SMARCA4: variants seen among roughly 807,000 people sequenced by gnomAD.
The protein encoded by SMARCA4 is SWI/SNF related BAF chromatin remodeling complex subunit ATPase 4.
SMARCA4 carries 31 observed loss-of-function variants against 193.9 expected under a neutral mutation model. The ratio of observed to expected loss-of-function variants is 0.16; its 90% CI spans 0.12 to 0.22. The LOEUF (loss-of-function observed/expected upper bound fraction) is 0.22, where lower values mean the gene tolerates loss of function less well. Ranked by LOEUF, SMARCA4 falls within the 10% of genes least tolerant of loss-of-function variation. The pLI is 1.00. For missense variants in SMARCA4, 1,148 were observed against 2,296.0 expected (o/e 0.50, Z 10.22); for synonymous variants, 942 against 933.1 (o/e 1.01, Z -0.17).
At chr19:11,005,415 G>A (rs983674192) in intron 13 of SMARCA4, among the ~76,000 whole-genome samples, 1 of 152,202 alleles carries the variant, frequency 6.6e-6, no homozygotes, top group Non-Finnish European at 1.5e-5. Context: ...GTCATCCAAA[G>A]ATTGGCCACA....
In SMARCA4 at chr19:11,019,482, C is replaced by G. The variant is rs549069469; in HGVS notation, c.2506-109C>G. On this transcript the variant is annotated intron_variant, in intron 17 of 34. Coordinates refer to ENST00000344626, the MANE Select transcript of SMARCA4 (RefSeq NM_003072.5). The surrounding 1 kb of genome is among the most constrained non-coding windows in gnomAD (Gnocchi z 6.1). Reference sequence around the variant, plus strand: ...CCTTTCCCCACTACCCCTGTGAGGACGAGCCCTCCCGCCGTGTCACTGGGC... The same window carrying G: ...CCTTTCCCCACTACCCCTGTGAGGAGGAGCCCTCCCGCCGTGTCACTGGGC... 8.3e-6 allele frequency: 6 copies of G among 723,454 alleles called. No individual in the cohort carries two copies. Among genetic ancestry groups the G allele is most frequent in the Non-Finnish European group, 1.5e-5 (6 of 404,854 alleles). 44.8% of individuals were successfully genotyped at this position (723,454 alleles called of 1,614,324 possible).
At chr19:10,961,345 G>A (rs2083783498) in intron 1 of SMARCA4, 171 bp downstream of exon 1, 1 of 149,690 alleles carries the variant, frequency 6.7e-6, no homozygotes, top group Non-Finnish European at 1.5e-5. Context: ...CGTGGGGAAG[G>A]CCACAGTGTC....
Position 11,058,153 on chromosome 19 carries a change from T to A in SMARCA4, c.4425-102T>A. 1 of 770,766 alleles carries A rather than the reference T, an allele frequency of 1.3e-6. No homozygotes were observed. Among genetic ancestry groups the A allele is most frequent in the Non-Finnish European group, 2.3e-6 (1 of 440,574 alleles). The allele number at this position is 770,766 out of a possible 1,614,324, so 47.7% of individuals were successfully genotyped here. A position where few individuals can be genotyped will look rare whatever the true frequency, so the allele number is the denominator to read the frequency against. ...GCAAGAAATAGCTCCTGAGCTGAGT[T>A]GGAATTTCTCATCCTTAAACAATGT... On this transcript the variant is annotated intron_variant, in intron 30 of 34. Transcript: ENST00000344626. The surrounding 1 kb of genome is among the most constrained non-coding windows in gnomAD (Gnocchi z 5.8).
intron 29 of SMARCA4, among the ~76,000 whole-genome samples, chr19:11,036,614 G>A (rs1341250246): frequency 6.6e-6 from 1 of 152,132 alleles, no homozygotes; most frequent in Non-Finnish European, 1.5e-5. Context: ...CAGTTCATAC[G>A]TGGCTGCTCT....
At chr19:10,997,728 A>C (rs929812232) in intron 11 of SMARCA4, among the ~76,000 whole-genome samples, 4 of 152,088 alleles carry the variant, frequency 2.6e-5, no homozygotes, top group Non-Finnish European at 4.4e-5. Context: ...CAGCCTCCCA[A>C]AGTGTTAGGA....
chr19:11,002,917 G>C (rs1453245364), intron 11 of SMARCA4, 112 bp from the exon 12 acceptor site: 5 of 1,191,498 alleles, frequency 4.2e-6, no homozygotes, highest in Admixed American at 1.7e-5. Context: ...GGCCATGTTT[G>C]CCTGCCATTT....
chr19:10,975,436 C>G (rs1298799904), intron 1 of SMARCA4, among the ~76,000 whole-genome samples: 2 of 151,658 alleles, frequency 1.3e-5, no homozygotes, highest in East Asian at 3.9e-4. Context: ...CTCAGCTTCC[C>G]GAATAGCTGG....
At chr19:10,966,476 C>T (rs964054551) in intron 1 of SMARCA4, among the ~76,000 whole-genome samples, 1 of 151,764 alleles carries the variant, frequency 6.6e-6, no homozygotes, top group Admixed American at 6.6e-5. Context: ...CCTGTAGTCC[C>T]AGCTACTTGG....
intron 9 of SMARCA4, 58 bp from the exon 10 acceptor site, chr19:10,996,155 G>T (rs927579680): frequency 7.6e-6 from 12 of 1,582,932 alleles, no homozygotes; most frequent in Non-Finnish European, 1.0e-5. Context: ...CTGGCCATGG[G>T]TGCTCACAGA....
rs201309716 is a variant in SMARCA4 at position 11,039,449 on chromosome 19, T to A, written c.4171-1858T>A. Reference sequence around the variant, plus strand: ...AACACTAAACAGACATTAAAAAATTTTGTTGTAGAAAATTACAGGAAAAGA... The same window carrying A: ...AACACTAAACAGACATTAAAAAATTATGTTGTAGAAAATTACAGGAAAAGA... On this transcript the variant is annotated intron_variant, in intron 29 of 34. Coordinates refer to ENST00000344626, the MANE Select transcript of SMARCA4 (RefSeq NM_003072.5). 124 of 1,578,670 alleles carry A rather than the reference T, an allele frequency of 7.9e-5. No individual in the cohort carries two copies. The East Asian group carries it at 2.8e-3, about 36-fold the overall frequency.
intron 29 of SMARCA4, among the ~76,000 whole-genome samples, chr19:11,035,428 C>A (rs923278054): frequency 5.3e-5 from 8 of 152,242 alleles, no homozygotes; most frequent in African/African-American, 1.9e-4. Flanking sequence ...GGTTAAAAAT[C>A]ATGTTGCTGA....
intron 8 of SMARCA4, among the ~76,000 whole-genome samples, chr19:10,993,313 A>C (rs944937308): frequency 2.0e-5 from 3 of 152,164 alleles, no homozygotes; most frequent in Non-Finnish European, 4.4e-5. Flanking sequence ...AGTATCATGG[A>C]AACATGACTT....
chr19:11,018,119 C>T (rs541060163), intron 16 of SMARCA4, among the ~76,000 whole-genome samples: 92 of 152,320 alleles, frequency 6.0e-4, no homozygotes, highest in Admixed American at 3.0e-3. Flanking sequence ...GCACCTCCCT[C>T]GTGGAGCTGC....
chr19:10,989,585 A>G (rs143704814), intron 7 of SMARCA4, 142 bp downstream of exon 7: 151 of 906,750 alleles, frequency 1.7e-4, no homozygotes, highest in Admixed American at 1.1e-3. Context: ...TGGGCACTCA[A>G]TCACTGCAGA....
intron 30 of SMARCA4, among the ~76,000 whole-genome samples, chr19:11,042,585 T>C (rs773406216): frequency 1.1e-4 from 16 of 152,228 alleles, no homozygotes; most frequent in Non-Finnish European, 1.8e-4. Flanking sequence ...TTGTATCTGT[T>C]GGAGGGGAAA....
chr19:11,031,284 C>G lies in SMARCA4; in HGVS notation c.3546+391C>G, dbSNP rs972023850. Reference sequence around the variant, plus strand: ...TTGTTCAGACACAATTGGGGGTAAACTCCATGCCACTTCGTTTACTTCCTC... The same window carrying G: ...TTGTTCAGACACAATTGGGGGTAAAGTCCATGCCACTTCGTTTACTTCCTC... On this transcript the variant is annotated intron_variant, in intron 25 of 34. Coordinates refer to ENST00000344626, the MANE Select transcript of SMARCA4 (RefSeq NM_003072.5). This position sits in a 1 kb window ranked among gnomAD's most constrained non-coding sequence, Gnocchi z 4.3. The G allele has an allele frequency of 1.7e-5, 5 of 299,978 alleles. No individual in the cohort carries two copies. The highest frequency in any genetic ancestry group is 2.6e-5 in the Non-Finnish European group (4 of 153,758). The allele number at this position is 299,978 out of a possible 1,614,324, so 18.6% of individuals were successfully genotyped here.
At chr19:11,060,839 C>T (rs761848314) in intron 34 of SMARCA4, among the ~76,000 whole-genome samples, 1 of 152,176 alleles carries the variant, frequency 6.6e-6, no homozygotes, top group Non-Finnish European at 1.5e-5. Context: ...ATTTTGTCAT[C>T]ACAGAAGCAG....
At chr19:11,036,743 G>C (rs906535653) in intron 29 of SMARCA4, among the ~76,000 whole-genome samples, 2 of 152,082 alleles carry the variant, frequency 1.3e-5, no homozygotes, top group African/African-American at 4.8e-5. Flanking sequence ...GTCCATTTTA[G>C]AACATTCTCA....
At position 10,989,416 on chromosome 19, in the gene SMARCA4, C is replaced by T. The variant is rs1380198147; in HGVS notation, c.1218C>T (p.Ala406=). 5 of 1,614,128 alleles carry T rather than the reference C, an allele frequency of 3.1e-6. No homozygotes were observed. The highest frequency in any genetic ancestry group is 4.2e-6 in the Non-Finnish European group (5 of 1,180,000). Residue 406 remains alanine (A), a synonymous_variant, in exon 7 of 35, where the codon GCC becomes GCT. Transcript: ENST00000344626. ...LRTKATIELK[A]LRLLNFQRQL... ...CCAAAGCGACCATTGAGCTCAAGGC[C>T]CTCAGGCTGCTGAACTTCCAGAGGC... is the stretch of plus-strand genomic sequence containing the variant.
Sources: allele counts gnomAD v4.1 joint callset (sites outside exome capture counted in the v4.1 genomes callset), GRCh38; gene constraint gnomAD v4.1.1; non-coding constraint Gnocchi (gnomAD v3.1); transcripts MANE v1.5; gene names NCBI Gene and HGNC (gene_info 2026-07-23, HGNC 2026-07-21).